ZNF347: variants seen among roughly 807,000 people sequenced by gnomAD.
ZNF347 encodes CTD-2620I22.7.
In ZNF347, 19 loss-of-function variants were observed where a neutral mutation model predicts 12.9. The ratio of observed to expected loss-of-function variants is 1.47; its 90% CI spans 1.03 to 2.16. The LOEUF (loss-of-function observed/expected upper bound fraction) is 2.16. ZNF347 is among the 30% of genes most tolerant of loss of function. The pLI, the probability that ZNF347 is intolerant of heterozygous loss-of-function variation, is 0.00. For synonymous variants in ZNF347, 328 were observed against 340.6 expected, an observed-to-expected ratio of 0.96 and a Z score of 0.41; for missense variants, 1,005 against 990.6, an observed-to-expected ratio of 1.01 and a Z score of -0.19.
At chr19:53,154,184 CAG>C (rs1434906878) in intron 1 of ZNF347, among the ~76,000 whole-genome samples, 4 of 152,198 alleles carry the variant, frequency 2.6e-5, no homozygotes, top group African/African-American at 9.6e-5. Context: ...TCTCAGGCCT[CAG>C]AAACAAAAGG....
intron 3 of ZNF347, 22 bp from the exon 4 acceptor site, chr19:53,148,831 A>AACAATGGGCTGTAGATTTTCCAG: frequency 6.2e-7 from 1 of 1,611,040 alleles, no homozygotes; most frequent in Non-Finnish European, 8.5e-7. Flanking sequence ...AAGAAAGGAA[A>AACAATGGGCTGTAGATTTTCCAG]ACAATGGGCT....
In ZNF347 at chr19:53,141,456, T is replaced by C. The variant is rs749500702; in HGVS notation, c.1372A>G (p.Lys458Glu). The part of the protein sequence containing the change: ...LVIHTGEKPY[K>E]CHECGKVFRR... ...AAGACCTTGCCGCATTCATGACATT[T>C]GTAAGGCTTTTCTCCGGTGTGAATT... The change falls in exon 5 of 5, where the codon AAA becomes GAA. Residue 458 changes from lysine to glutamate, a missense_variant. Physicochemically the swap from Lys to Glu is moderately conservative, Grantham distance 56 (BLOSUM62 1). Transcript: ENST00000334197. The C allele has an allele frequency of 6.2e-7, 1 of 1,613,938 alleles. No individual in the cohort carries two copies. The highest frequency in any genetic ancestry group is 8.5e-7 in the Non-Finnish European group (1 of 1,179,992).
At chr19:53,143,913 C>T (rs191479048) in intron 4 of ZNF347, among the ~76,000 whole-genome samples, 4 of 152,168 alleles carry the variant, frequency 2.6e-5, no homozygotes, top group African/African-American at 7.2e-5. Context: ...TTTTAATGAT[C>T]GCCATTCTAA....
In ZNF347 at chr19:53,136,281, C is replaced by T. The variant is rs547538505; in HGVS notation, c.*4027G>A. ...TCTGTACCTGCCATTGTTTTACATA[C>T]ATTTTCATGTCACAAAATTTTATTT... On this transcript the variant is annotated 3_prime_UTR_variant, in exon 5 of 5. Transcript: ENST00000334197. The T allele has an allele frequency of 6.6e-6, 1 of 151,652 alleles. No homozygotes were observed. Among genetic ancestry groups the T allele is most frequent in the South Asian group, 2.1e-4 (1 of 4,784 alleles). 9.4% of individuals were successfully genotyped at this position (151,652 alleles called of 1,614,324 possible). A position where few individuals can be genotyped will look rare whatever the true frequency, so the allele number is the denominator to read the frequency against.
chr19:53,138,858 C>G lies in ZNF347; in HGVS notation c.*1450G>C, dbSNP rs1310771346. 1 of 152,044 alleles carries G rather than the reference C, an allele frequency of 6.6e-6. No homozygotes were observed. The highest frequency in any genetic ancestry group is 6.6e-5 in the Admixed American group (1 of 15,264). 9.4% of individuals were successfully genotyped at this position (152,044 alleles called of 1,614,324 possible). ...CAAAACATTATGTCTGTGACACATT[C>G]TTAATAAAACTGTAGCAAAATGTAA... On this transcript the variant is annotated 3_prime_UTR_variant, in exon 5 of 5. Transcript: ENST00000334197.
chr19:53,148,981 T>C lies in ZNF347; in HGVS notation c.143-172A>G, dbSNP rs982825406. ...GGAAACACTATAATATGCAAATATA[T>C]AGCTCTCATCCCAAAACCACTGAAT... On this transcript the variant is annotated intron_variant, in intron 3 of 4. Transcript: ENST00000334197. The C allele has an allele frequency of 1.9e-5, 21 of 1,084,756 alleles. No homozygotes were observed. The African/African-American group carries it at 2.7e-4, about 14-fold the overall frequency. The allele number at this position is 1,084,756 out of a possible 1,614,324, so 67.2% of individuals were successfully genotyped here.
At chr19:53,153,675 G>A in intron 2 of ZNF347, 58 bp downstream of exon 2, 2 of 1,595,538 alleles carry the variant, frequency 1.3e-6, no homozygotes, top group Non-Finnish European at 1.7e-6. Flanking sequence ...CAACTTCAAA[G>A]AATGACATTT....
Position 53,141,747 on chromosome 19 carries a change from C to A in ZNF347, c.1081G>T (p.Val361Leu), listed in dbSNP as rs755096767. The change falls in exon 5 of 5, where the codon GTA (valine) becomes TTA (leucine). Residue 361 changes from valine to leucine, a missense_variant. Coordinates refer to ENST00000334197, the MANE Select transcript of ZNF347 (RefSeq NM_032584.3). ...CCAGTATGAATTCCTCGATGTCTTA[C>A]AAGGTGTGAATTCTGAGTGAAGACC... ...GKVFTQNSHLVRHRGIHTGEK... is the reference protein window; with the variant it reads ...GKVFTQNSHLLRHRGIHTGEK... The A allele has an allele frequency of 6.8e-6, 11 of 1,613,578 alleles. No individual in the cohort carries two copies. The highest frequency in any genetic ancestry group is 9.3e-6 in the Non-Finnish European group (11 of 1,179,792).
At position 53,141,836 on chromosome 19, in the gene ZNF347, T is replaced by C; in HGVS notation, c.992A>G (p.Gln331Arg). 5.6e-6 allele frequency: 9 copies of C among 1,614,100 alleles called. No homozygotes were observed. Among genetic ancestry groups the C allele is most frequent in the Non-Finnish European group, 7.6e-6 (9 of 1,180,012 alleles). ...GTGAATTTTCTGATGTTGTGAGAGTTGTGAATTTCGACTAAAGACCTTACC... is the reference window on the plus strand; with the variant it reads ...GTGAATTTTCTGATGTTGTGAGAGTCGTGAATTTCGACTAAAGACCTTACC... Reference protein sequence around the residue: ...ECGKVFSRNSQLSQHQKIHTG... With the variant: ...ECGKVFSRNSRLSQHQKIHTG... The change falls in exon 5 of 5, where the codon CAA becomes CGA. Residue 331 changes from glutamine (Q) to arginine (R), a missense_variant. Transcript: ENST00000334197.
Position 53,142,062 on chromosome 19 carries a change from T to G in ZNF347, c.766A>C (p.Asn256His), listed in dbSNP as rs779773465. Residue 256 changes from asparagine to histidine, a missense_variant, in exon 5 of 5, where the codon AAT becomes CAT. Transcript: ENST00000334197. Reference sequence around the variant, plus strand: ...TTAGATTTGTAAGGGCTTCCCCAATTATTTGCTTTTTGCCCCTGTGTGAGT... The same window carrying G: ...TTAGATTTGTAAGGGCTTCCCCAATGATTTGCTTTTTGCCCCTGTGTGAGT... ...LLLTQGQKAN[N>H]WGSPYKSNGC... 1.2e-6 allele frequency: 2 copies of G among 1,613,400 alleles called. No individual in the cohort carries two copies. Among genetic ancestry groups the G allele is most frequent in the East Asian group, 2.2e-5 (1 of 44,872 alleles).
At chr19:53,149,466 C>T (rs1054795693) in intron 2 of ZNF347, 99 bp from the exon 3 acceptor site, 12 of 1,582,384 alleles carry the variant, frequency 7.6e-6, no homozygotes, top group Admixed American at 1.8e-5. Flanking sequence ...GTAAGTGGGC[C>T]GATATCCAAG....
chr19:53,138,008 T>G lies in ZNF347; in HGVS notation c.*2300A>C, dbSNP rs1229683721. On this transcript the variant is annotated 3_prime_UTR_variant, in exon 5 of 5. Coordinates refer to ENST00000334197, the MANE Select transcript of ZNF347 (RefSeq NM_032584.3). ...TTTTTTAGTAGAGATGGGGTTTCAC[T>G]GTGTTGGCCAGGGTGGTCTCGATTT... is the stretch of plus-strand genomic sequence containing the variant. 1 of 152,132 alleles carries G rather than the reference T, an allele frequency of 6.6e-6. No homozygotes were observed. The highest frequency in any genetic ancestry group is 2.4e-5 in the African/African-American group (1 of 41,432). The allele number at this position is 152,132 out of a possible 1,614,324, so 9.4% of individuals were successfully genotyped here.
intron 1 of ZNF347, 131 bp from the exon 2 acceptor site, chr19:53,153,924 G>A: frequency 1.5e-6 from 1 of 663,580 alleles, no homozygotes; most frequent in East Asian, 2.7e-5. Context: ...CTCACCCTGT[G>A]GAAAGATGGT....
At chr19:53,156,557 G>A (rs1021014498) in intron 1 of ZNF347, among the ~76,000 whole-genome samples, 3 of 152,086 alleles carry the variant, frequency 2.0e-5, no homozygotes, top group South Asian at 2.1e-4. Flanking sequence ...ACCCCTCCTC[G>A]GCTTTGATTA....
chr19:53,140,575 G>A lies in ZNF347; in HGVS notation c.2253C>T (p.His751=). The A allele has an allele frequency of 6.2e-7, 1 of 1,613,816 alleles. No individual in the cohort carries two copies. Among genetic ancestry groups the A allele is most frequent in the Non-Finnish European group, 8.5e-7 (1 of 1,179,930 alleles). Residue 751 remains histidine (H), a synonymous_variant, in exon 5 of 5, where the codon CAC becomes CAT. Transcript: ENST00000334197. The part of the protein sequence containing the change: ...ECGKVFTQNS[H]LARHRGIHTG... ...TATGAATTCCCCGATGTCTTGCAAG[G>A]TGTGAATTCTGAGTGAAGACCTTCC...
In ZNF347 at chr19:53,138,925, C is replaced by CAA; in HGVS notation, c.*1381_*1382dup. Reference sequence around the variant, plus strand: ...GAATTCTACTAAAAACAAAACAAAACAAAAAAAACCATGGTATTCTGGTTT... The same window carrying CAA: ...GAATTCTACTAAAAACAAAACAAAACAAAAAAAAAACCATGGTATTCTGGTTT... On this transcript the variant is annotated 3_prime_UTR_variant, in exon 5 of 5. Transcript: ENST00000334197. 1 of 151,612 alleles carries CAA rather than the reference C, an allele frequency of 6.6e-6. No homozygotes were observed. Among genetic ancestry groups the CAA allele is most frequent in the East Asian group, 1.9e-4 (1 of 5,182 alleles). 9.4% of individuals were successfully genotyped at this position (151,612 alleles called of 1,614,324 possible).
At chr19:53,148,634 A>C in intron 4 of ZNF347, 47 bp downstream of exon 4, 3 of 1,573,694 alleles carry the variant, frequency 1.9e-6, no homozygotes, top group Non-Finnish European at 2.6e-6. Flanking sequence ...GAGTTTCCCA[A>C]ACACTATTTA....
chr19:53,156,888 A>T (rs2146818380), intron 1 of ZNF347, among the ~76,000 whole-genome samples: 1 of 152,270 alleles, frequency 6.6e-6, no homozygotes, highest in African/African-American at 2.4e-5. Context: ...ACTATACGAC[A>T]CTCAGTTAGT....
chr19:53,153,681 C>T, intron 2 of ZNF347, 52 bp downstream of exon 2: 2 of 1,596,696 alleles, frequency 1.3e-6, no homozygotes, highest in South Asian at 2.2e-5. Flanking sequence ...CAAAGAATGA[C>T]ATTTCAAGAA....
Sources: allele counts gnomAD v4.1 joint callset (sites outside exome capture counted in the v4.1 genomes callset), GRCh38; gene constraint gnomAD v4.1.1; transcripts MANE v1.5; gene names NCBI Gene and HGNC (gene_info 2026-07-23, HGNC 2026-07-21).